ELMO1: variants seen among roughly 807,000 people sequenced by gnomAD.
The protein encoded by ELMO1 is engulfment and cell motility protein 1.
Under a neutral mutation model 98.9 loss-of-function variants are expected in ELMO1, and 26 were observed. That is an observed-to-expected ratio of 0.26 (90% CI 0.19 to 0.36). ELMO1 has a LOEUF of 0.36. Ranked by LOEUF, ELMO1 falls within the 10% of genes least tolerant of loss-of-function variation. The pLI is 1.00. For synonymous variants in ELMO1, 346 were observed against 346.0 expected (o/e 1.00, Z 0.00); for missense variants, 627 against 935.2 (o/e 0.67, Z 4.30).
chr7:37,308,219 AAC>A (rs1179488314), intron 4 of ELMO1, among the ~76,000 whole-genome samples: 19 of 152,190 alleles, frequency 1.2e-4, no homozygotes, highest in African/African-American at 4.6e-4. Context: ...CAATTCTTCC[AAC>A]AGAGTGTATT....
chr7:37,080,458 G>A (rs1263291473), intron 15 of ELMO1, among the ~76,000 whole-genome samples: 1 of 141,544 alleles, frequency 7.1e-6, no homozygotes, highest in Non-Finnish European at 1.5e-5. Flanking sequence ...TTTTTTTTGA[G>A]ACAGAGTCTT....
chr7:37,113,944 G>C (rs1411258919), intron 14 of ELMO1, among the ~76,000 whole-genome samples: 1 of 152,192 alleles, frequency 6.6e-6, no homozygotes, highest in Non-Finnish European at 1.5e-5. Context: ...AGAGCTGTGA[G>C]AAAATAGAGT....
chr7:37,033,761 T>C (rs562303348), intron 15 of ELMO1, among the ~76,000 whole-genome samples: 16 of 152,272 alleles, frequency 1.1e-4, no homozygotes, highest in South Asian at 6.2e-4. Flanking sequence ...ATCATCAGAA[T>C]TGATCCCTAA....
chr7:36,944,283 A>T (rs931566027), intron 16 of ELMO1, among the ~76,000 whole-genome samples: 1 of 152,234 alleles, frequency 6.6e-6, no homozygotes, highest in Non-Finnish European at 1.5e-5. Context: ...GCCACCTGAC[A>T]CTAGGCTGCT....
chr7:36,915,534 C>T (rs1161056646), intron 16 of ELMO1, among the ~76,000 whole-genome samples: 1 of 152,172 alleles, frequency 6.6e-6, no homozygotes, highest in Non-Finnish European at 1.5e-5. Flanking sequence ...AAGGGCTTTC[C>T]AGCCACACAC....
At chr7:37,214,589 T>C (rs1316604958) in intron 11 of ELMO1, among the ~76,000 whole-genome samples, 1 of 151,970 alleles carries the variant, frequency 6.6e-6, no homozygotes, top group Non-Finnish European at 1.5e-5. Flanking sequence ...TGGGAGAAGA[T>C]TGAGGAATAG....
At chr7:37,154,439 A>G (rs1462401704) in intron 13 of ELMO1, among the ~76,000 whole-genome samples, 1 of 152,196 alleles carries the variant, frequency 6.6e-6, no homozygotes, top group Non-Finnish European at 1.5e-5. Flanking sequence ...ATGAATAGCT[A>G]ACTAGAACAA....
At chr7:37,160,060 T>G (rs975387037) in intron 13 of ELMO1, among the ~76,000 whole-genome samples, 2 of 152,214 alleles carry the variant, frequency 1.3e-5, no homozygotes, top group African/African-American at 4.8e-5. Flanking sequence ...TTTCAGGACT[T>G]TGTGCTTTAA....
chr7:36,878,718 C>A (rs1402090805), intron 18 of ELMO1, among the ~76,000 whole-genome samples: 1 of 152,212 alleles, frequency 6.6e-6, no homozygotes, highest in Non-Finnish European at 1.5e-5. Flanking sequence ...TGGGGACATG[C>A]ACAATCATTC....
intron 13 of ELMO1, among the ~76,000 whole-genome samples, chr7:37,178,289 G>A (rs1044939564): frequency 6.6e-6 from 1 of 151,938 alleles, no homozygotes; most frequent in Non-Finnish European, 1.5e-5. Flanking sequence ...AAGGGGAAAC[G>A]TCTTACAAAA....
chr7:37,033,775 A>G (rs1244792215), intron 15 of ELMO1, among the ~76,000 whole-genome samples: 1 of 152,186 alleles, frequency 6.6e-6, no homozygotes, highest in Non-Finnish European at 1.5e-5. Context: ...TCCCTAAAGA[A>G]CTGCGAAGAG....
At chr7:37,073,623 G>T (rs1404981930) in intron 15 of ELMO1, among the ~76,000 whole-genome samples, 2 of 151,426 alleles carry the variant, frequency 1.3e-5, no homozygotes, top group African/African-American at 4.9e-5. Flanking sequence ...TAGAGACAGG[G>T]TCTTGCTCTG....
chr7:36,924,001 C>G (rs1398119697), intron 16 of ELMO1, among the ~76,000 whole-genome samples: 1 of 152,098 alleles, frequency 6.6e-6, no homozygotes, highest in East Asian at 1.9e-4. Flanking sequence ...ATTACAGGAG[C>G]CTTGCACTCC....
chr7:37,336,707 A>C (rs1800432360), intron 2 of ELMO1, among the ~76,000 whole-genome samples: 1 of 152,310 alleles, frequency 6.6e-6, no homozygotes, highest in Non-Finnish European at 1.5e-5. Context: ...GCCGAGCGTA[A>C]CCGAGAGGGT....
intron 16 of ELMO1, among the ~76,000 whole-genome samples, chr7:36,897,479 C>A (rs760348724): frequency 8.6e-5 from 13 of 151,674 alleles, no homozygotes; most frequent in Admixed American, 1.3e-4. Context: ...GTTCCTGTCA[C>A]GTGCAACCAA....
At chr7:36,988,715 T>C (rs1791673950) in intron 16 of ELMO1, among the ~76,000 whole-genome samples, 1 of 152,162 alleles carries the variant, frequency 6.6e-6, no homozygotes, top group African/African-American at 2.4e-5. Flanking sequence ...AAAACACATG[T>C]GTGCTAGGAG....
chr7:36,866,827 C>T (rs1390464399), intron 20 of ELMO1, among the ~76,000 whole-genome samples: 1 of 152,186 alleles, frequency 6.6e-6, no homozygotes, highest in Non-Finnish European at 1.5e-5. Context: ...TCCTTTTAGG[C>T]TGCAGGTCCC....
At chr7:36,915,955 C>T (rs1247152891) in intron 16 of ELMO1, among the ~76,000 whole-genome samples, 4 of 152,158 alleles carry the variant, frequency 2.6e-5, no homozygotes, top group Admixed American at 6.5e-5. Context: ...TTGGGGTCAT[C>T]CTTGTGAGTG....
rs1311499582 is a variant in ELMO1, at chr7:37,342,563, G to A, written c.78+50C>T. Reference sequence around the variant, plus strand: ...CTATCCAAAGTCTATGAAAATTCCAGTATAGAAAGGAAACTGAAAATAGAC... The same window carrying A: ...CTATCCAAAGTCTATGAAAATTCCAATATAGAAAGGAAACTGAAAATAGAC... On this transcript the variant is annotated intron_variant, in intron 2 of 21. Transcript: ENST00000310758. This position sits in a 1 kb window ranked among gnomAD's most constrained non-coding sequence, Gnocchi z 4.3. 6.4e-7 allele frequency: 1 copy of A among 1,560,900 alleles called. No individual in the cohort carries two copies. Among genetic ancestry groups the A allele is most frequent in the African/African-American group, 1.4e-5 (1 of 73,956 alleles).
Sources: gnomAD v4.1 joint callset for allele counts (sites outside exome capture counted in the v4.1 genomes callset) on GRCh38, gnomAD v4.1.1 for gene constraint, Gnocchi (gnomAD v3.1) non-coding constraint, MANE v1.5 for transcripts, NCBI Gene and HGNC (gene_info 2026-07-23, HGNC 2026-07-21) for gene names.